Variants in KIF16B observed in about 807,000 individuals in gnomAD.
KIF16B encodes the protein kinesin family member 16B, also known as kinesin-like protein KIF16B.
Under a neutral mutation model 156.3 loss-of-function variants are expected in KIF16B, and 98 were observed. That is an observed-to-expected ratio of 0.63 (90% CI 0.53 to 0.74). The LOEUF (loss-of-function observed/expected upper bound fraction) is 0.74. Among genes scored for constraint, KIF16B ranks in the 30% least tolerant of loss-of-function variants. The pLI is 0.00. For missense variants in KIF16B, 1,421 were observed against 1,606.5 expected, an observed-to-expected ratio of 0.88 and a Z score of 1.97; for synonymous variants, 564 against 583.7, an observed-to-expected ratio of 0.97 and a Z score of 0.49.
chr20:16,277,506 TAAC>T (rs1211961655), intron 25 of KIF16B, among the ~76,000 whole-genome samples: 1 of 150,146 alleles, frequency 6.7e-6, no homozygotes, highest in African/African-American at 2.4e-5. Context: ...CATACTTACC[TAAC>T]AACACACATT....
At chr20:16,293,542 G>A (rs1356254492) in intron 25 of KIF16B, among the ~76,000 whole-genome samples, 1 of 152,142 alleles carries the variant, frequency 6.6e-6, no homozygotes, top group Non-Finnish European at 1.5e-5. Flanking sequence ...CTACTAGAGA[G>A]GTGTTTCATT....
At chr20:16,290,312 C>G (rs12151916) in intron 25 of KIF16B, among the ~76,000 whole-genome samples, 49,456 of 152,126 alleles carry the variant, frequency 0.33, 8,093 homozygotes, top group East Asian at 0.4. Flanking sequence ...GGGAACTCCA[C>G]AACTGGATGC....
At position 16,372,642 on chromosome 20, in the gene KIF16B, T is replaced by C. The variant is rs1373118553; in HGVS notation, c.3351-881A>G. ...TTTGTAATGGCAGAGACTGCCCAAATGGAAGTCATTCTGTTCTAGACTCCC... is the reference window on the plus strand; with the variant it reads ...TTTGTAATGGCAGAGACTGCCCAAACGGAAGTCATTCTGTTCTAGACTCCC... On this transcript the variant is annotated intron_variant, in intron 20 of 25. Transcript: ENST00000354981. Among the ~76,000 whole-genome samples the C allele has an allele frequency of 3.9e-5, 6 of 152,210 alleles. 1 individual carries two copies. Among genetic ancestry groups the C allele is most frequent in the Non-Finnish European group, 2.9e-5 (2 of 68,032 alleles).
intron 1 of KIF16B, among the ~76,000 whole-genome samples, chr20:16,554,163 G>A (rs6135794): frequency 0.39 from 59,127 of 152,062 alleles, 12,123 homozygotes; most frequent in African/African-American, 0.53. Flanking sequence ...TGAAGCCTGC[G>A]GACCAGGCTG....
chr20:16,325,769 A>G (rs1478919500), intron 24 of KIF16B, among the ~76,000 whole-genome samples: 1 of 151,882 alleles, frequency 6.6e-6, no homozygotes, highest in Non-Finnish European at 1.5e-5. Context: ...TACCATCATC[A>G]TTTTTCACAG....
chr20:16,429,813 AT>A (rs762188136), intron 13 of KIF16B, 49 bp downstream of exon 13: 9 of 1,531,576 alleles, frequency 5.9e-6, no homozygotes, highest in Non-Finnish European at 8.0e-6. Flanking sequence ...TTAGTGTCTA[AT>A]GGAGAAACTG....
chr20:16,558,599 G>C lies in KIF16B; in HGVS notation c.47+14630C>G, dbSNP rs961096683. ...TAAACTTCTTTGGTATCTTTAGTGA[G>C]AGCCACGAAAATGTGGGGGTAGGGT... On this transcript the variant is annotated intron_variant, in intron 1 of 25. Transcript: ENST00000354981. Among the ~76,000 whole-genome samples, 5 of 152,238 alleles carry C rather than the reference G, an allele frequency of 3.3e-5. No individual in the cohort carries two copies. The East Asian group carries it at 7.7e-4, about 23-fold the overall frequency.
At chr20:16,488,281 C>T (rs1479104943) in intron 12 of KIF16B, among the ~76,000 whole-genome samples, 1 of 152,244 alleles carries the variant, frequency 6.6e-6, no homozygotes, top group Non-Finnish European at 1.5e-5. Flanking sequence ...GGCAGCTCTC[C>T]CTTCTGCCGC....
At position 16,379,279 on chromosome 20, in the gene KIF16B, T is replaced by C. The variant is rs774454763; in HGVS notation, c.2723A>G (p.Gln908Arg). ...VEYRLQYKER[Q>R]LQYLLQNHLP... ...GTGATTCTGCAGGAGGTACTGTAGC[T>C]GGCGTTCTTTATATTGCAGCCTGTA... Residue 908 changes from glutamine to arginine, a missense_variant, in exon 19 of 26, where the codon CAG (glutamine) becomes CGG (arginine). Transcript: ENST00000354981. 6.2e-7 allele frequency: 1 copy of C among 1,613,700 alleles called. No homozygotes were observed. The highest frequency in any genetic ancestry group is 1.3e-5 in the African/African-American group (1 of 74,924).
chr20:16,307,595 T>G (rs2063559485), intron 25 of KIF16B, among the ~76,000 whole-genome samples: 2 of 152,348 alleles, frequency 1.3e-5, no homozygotes, highest in East Asian at 3.9e-4. Flanking sequence ...CTACTCAAAG[T>G]GTGGTCCATG....
intron 11 of KIF16B, among the ~76,000 whole-genome samples, chr20:16,495,690 C>G (rs1165499942): frequency 6.6e-6 from 1 of 151,992 alleles, no homozygotes; most frequent in Non-Finnish European, 1.5e-5. Flanking sequence ...TTGTTGTTGT[C>G]TTTGGTTTTG....
intron 25 of KIF16B, among the ~76,000 whole-genome samples, chr20:16,305,892 T>A (rs2063534238): frequency 6.6e-6 from 1 of 152,226 alleles, no homozygotes; most frequent in Admixed American, 6.5e-5. Flanking sequence ...TATACCATAT[T>A]TTCTTTATCC....
intron 17 of KIF16B, among the ~76,000 whole-genome samples, chr20:16,400,591 C>G (rs2065628340): frequency 1.3e-5 from 2 of 152,090 alleles, no homozygotes; most frequent in African/African-American, 2.4e-5. Flanking sequence ...TCACAATAGC[C>G]AAAAGGTGAA....
At chr20:16,396,689 T>C (rs1355031360) in intron 17 of KIF16B, among the ~76,000 whole-genome samples, 1 of 140,612 alleles carries the variant, frequency 7.1e-6, no homozygotes, top group South Asian at 2.6e-4. Flanking sequence ...AAATTTCCCA[T>C]AATGAACACA....
At chr20:16,369,598 A>G (rs2064767023) in intron 22 of KIF16B, among the ~76,000 whole-genome samples, 1 of 152,210 alleles carries the variant, frequency 6.6e-6, no homozygotes, top group African/African-American at 2.4e-5. Flanking sequence ...CAATGTTTAG[A>G]AGGTCAAATT....
rs995709596 is a variant in KIF16B at position 16,273,717 on chromosome 20, C to T, written c.3796-306G>A. ...AATCAATCAGAATACGGTCAAGGTA[C>T]TGTTGGATGGTGTCAAGAAGAGAAA... On this transcript the variant is annotated intron_variant, in intron 25 of 25. Transcript: ENST00000354981. Among the ~76,000 whole-genome samples the T allele has an allele frequency of 2.0e-5, 3 of 152,070 alleles. No individual in the cohort carries two copies. In the South Asian group the frequency reaches 6.2e-4, roughly 32 times the overall value.
At chr20:16,421,323 T>C (rs1174542230) in intron 15 of KIF16B, among the ~76,000 whole-genome samples, 2 of 152,172 alleles carry the variant, frequency 1.3e-5, no homozygotes, top group African/African-American at 2.4e-5. Context: ...TTTTTTCCTT[T>C]AGCTTTTTGT....
chr20:16,296,859 G>A (rs1438404227), intron 25 of KIF16B, among the ~76,000 whole-genome samples: 2 of 152,254 alleles, frequency 1.3e-5, no homozygotes, highest in Non-Finnish European at 2.9e-5. Context: ...TGAGATTAAT[G>A]TTTGAATCAG....
intron 23 of KIF16B, among the ~76,000 whole-genome samples, chr20:16,353,933 T>C (rs1309895311): frequency 6.6e-6 from 1 of 152,170 alleles, no homozygotes; most frequent in Non-Finnish European, 1.5e-5. Context: ...TTATAGCACC[T>C]AGGGACGAAC....
Sources: allele counts gnomAD v4.1 joint callset (sites outside exome capture counted in the v4.1 genomes callset), GRCh38; gene constraint gnomAD v4.1.1; transcripts MANE v1.5; gene names NCBI Gene and HGNC (gene_info 2026-07-23, HGNC 2026-07-21).